LIN52: variants seen among roughly 807,000 people sequenced by gnomAD.
LIN52 encodes lin-52 DREAM MuvB core complex component.
LIN52 carries 4 observed loss-of-function variants against 18.5 expected under a neutral mutation model. That is an observed-to-expected ratio of 0.22 (90% CI 0.11 to 0.49). LIN52 has a LOEUF of 0.49. LIN52 is among the 20% of genes least tolerant of loss of function. LIN52 has a pLI of 0.97. For missense variants in LIN52, 102 were observed against 139.5 expected (o/e 0.73, Z 1.35); for synonymous variants, 34 against 45.5 (o/e 0.75, Z 1.02).
At chr14:74,134,297 C>G (rs1199198842) in intron 5 of LIN52, among the ~76,000 whole-genome samples, 1 of 152,186 alleles carries the variant, frequency 6.6e-6, no homozygotes, top group Non-Finnish European at 1.5e-5. Context: ...TTACAGGCCT[C>G]TCTTGGGAAA....
chr14:74,193,247 C>CA (rs55829983), intron 5 of LIN52, among the ~76,000 whole-genome samples: 79,394 of 139,302 alleles, frequency 0.57, 23,636 homozygotes, highest in Admixed American at 0.67. Flanking sequence ...CCTGTCTCCA[C>CA]AAAAAAAAAA....
chr14:74,094,578 TACAG>T (rs1476073892), intron 2 of LIN52, among the ~76,000 whole-genome samples: 2 of 152,186 alleles, frequency 1.3e-5, no homozygotes, highest in African/African-American at 4.8e-5. Flanking sequence ...TTTTTGACTT[TACAG>T]ACAGTTTATC....
chr14:74,184,728 C>T (rs1031380049), intron 5 of LIN52, among the ~76,000 whole-genome samples: 1 of 152,118 alleles, frequency 6.6e-6, no homozygotes, highest in Admixed American at 6.5e-5. Context: ...TAAATTTTTC[C>T]TCTTTTCATC....
intron 5 of LIN52, among the ~76,000 whole-genome samples, chr14:74,188,276 G>A (rs2061348809): frequency 6.6e-6 from 1 of 152,088 alleles, no homozygotes; most frequent in Non-Finnish European, 1.5e-5. Context: ...GGGAATGCTT[G>A]TGGTATGAAG....
chr14:74,185,504 G>A (rs7144134), intron 5 of LIN52, among the ~76,000 whole-genome samples: 43,024 of 151,212 alleles, frequency 0.28, 6,611 homozygotes, highest in East Asian at 0.65. Context: ...TAGTAGAGAC[G>A]GGGTTTCACC....
chr14:74,135,803 T>C (rs2061094159), intron 5 of LIN52, among the ~76,000 whole-genome samples: 1 of 148,434 alleles, frequency 6.7e-6, no homozygotes, highest in Non-Finnish European at 1.5e-5. Flanking sequence ...TTTCTTGTCC[T>C]CCTTTAGAAC....
chr14:74,091,184 A>G (rs772587549), intron 1 of LIN52, 48 bp from the exon 2 acceptor site: 4 of 1,342,048 alleles, frequency 3.0e-6, no homozygotes, highest in African/African-American at 2.9e-5. Context: ...TATCATATAC[A>G]TTAATGTGTT....
intron 5 of LIN52, among the ~76,000 whole-genome samples, chr14:74,109,862 A>T (rs1049284797): frequency 6.6e-6 from 1 of 152,226 alleles, no homozygotes; most frequent in Admixed American, 6.5e-5. Context: ...TAGATTATTT[A>T]TAATTTTCCA....
chr14:74,119,744 TTTA>T (rs2060988298), intron 5 of LIN52, among the ~76,000 whole-genome samples: 1 of 152,178 alleles, frequency 6.6e-6, no homozygotes, highest in Non-Finnish European at 1.5e-5. Context: ...TTTTTGTATG[TTTA>T]TTGGCCATTT....
chr14:74,187,076 CAAAAAAGAA>C (rs1413480091), intron 5 of LIN52, among the ~76,000 whole-genome samples: 1 of 150,744 alleles, frequency 6.6e-6, no homozygotes, highest in East Asian at 1.9e-4. Context: ...GACTCCATCT[CAAAAAAGAA>C]AAAAAAGTAA....
intron 5 of LIN52, among the ~76,000 whole-genome samples, chr14:74,143,611 GT>G (rs60197202): frequency 6.6e-6 from 1 of 150,812 alleles, no homozygotes; most frequent in South Asian, 2.1e-4. Flanking sequence ...TTACTGTGAA[GT>G]TTTTTTTTAA....
rs1437083072 is a variant in LIN52 at position 74,185,998 on chromosome 14, A to C, written c.284-12924A>C. On this transcript the variant is annotated intron_variant, in intron 5 of 5. Coordinates refer to ENST00000555028, the MANE Select transcript of LIN52 (RefSeq NM_001024674.3). Reference sequence around the variant, plus strand: ...AATATTTGATGCTCAGTGTTTAATTAAGAACTGAGGCCGGGCACAGTGGCT... The same window carrying C: ...AATATTTGATGCTCAGTGTTTAATTCAGAACTGAGGCCGGGCACAGTGGCT... Among the ~76,000 whole-genome samples the C allele has an allele frequency of 2.6e-5, 4 of 152,300 alleles. No homozygotes were observed. In the East Asian group the frequency reaches 7.7e-4, roughly 29 times the overall value.
At chr14:74,164,700 T>C (rs4903197) in intron 5 of LIN52, among the ~76,000 whole-genome samples, 117,955 of 152,046 alleles carry the variant, frequency 0.78, 46,077 homozygotes, top group Admixed American at 0.81. Flanking sequence ...CTGGGGAATC[T>C]GATCAGCCCA....
chr14:74,165,859 T>G (rs1362749620), intron 5 of LIN52, among the ~76,000 whole-genome samples: 1 of 151,648 alleles, frequency 6.6e-6, no homozygotes, highest in Non-Finnish European at 1.5e-5. Context: ...TGTTACAATA[T>G]CCAGTCTCTG....
chr14:74,089,964 G>A (rs2060761671), intron 1 of LIN52, among the ~76,000 whole-genome samples: 1 of 152,072 alleles, frequency 6.6e-6, no homozygotes. Context: ...GTAGCATCTA[G>A]GGGTGGGTGC....
At chr14:74,124,982 A>G (rs1259506784) in intron 5 of LIN52, among the ~76,000 whole-genome samples, 1 of 152,188 alleles carries the variant, frequency 6.6e-6, no homozygotes, top group Non-Finnish European at 1.5e-5. Flanking sequence ...CAAAAAGACA[A>G]CCAACAGAAT....
At chr14:74,128,647 T>G (rs2061041656) in intron 5 of LIN52, among the ~76,000 whole-genome samples, 1 of 152,180 alleles carries the variant, frequency 6.6e-6, no homozygotes, top group Non-Finnish European at 1.5e-5. Context: ...AGCTTTTTAC[T>G]AAAGAACGCT....
intron 5 of LIN52, among the ~76,000 whole-genome samples, chr14:74,181,437 A>G (rs2061318317): frequency 1.3e-5 from 2 of 148,152 alleles, no homozygotes; most frequent in African/African-American, 4.9e-5. Flanking sequence ...GACCCTGTCA[A>G]AAAAAAAAAA....
At chr14:74,129,830 A>C (rs1293637655) in intron 5 of LIN52, among the ~76,000 whole-genome samples, 1 of 152,210 alleles carries the variant, frequency 6.6e-6, no homozygotes, top group African/African-American at 2.4e-5. Flanking sequence ...CCTGGGGGAC[A>C]GAGTGAGACC....
Sources: gnomAD v4.1 joint callset for allele counts (sites outside exome capture counted in the v4.1 genomes callset) on GRCh38, gnomAD v4.1.1 for gene constraint, MANE v1.5 for transcripts, NCBI Gene and HGNC (gene_info 2026-07-23, HGNC 2026-07-21) for gene names.